Variants in MTFMT observed in about 807,000 individuals in gnomAD.
MTFMT encodes mitochondrial methionyl-tRNA formyltransferase.
MTFMT carries 47 observed loss-of-function variants against 51.8 expected under a neutral mutation model. That is an observed-to-expected ratio of 0.91 (90% confidence interval 0.72 to 1.16). The LOEUF (loss-of-function observed/expected upper bound fraction) is 1.16, where lower values mean the gene tolerates loss of function less well. MTFMT is among the 50% of genes most tolerant of loss of function. The probability of loss-of-function intolerance (pLI) is 0.00; values close to 1 mark genes in which losing one functional copy is unlikely to be tolerated. For synonymous variants in MTFMT, 196 were observed against 176.7 expected, an observed-to-expected ratio of 1.11 and a Z score of -0.87; for missense variants, 512 against 482.3, an observed-to-expected ratio of 1.06 and a Z score of -0.58.
intron 8 of MTFMT, 29 bp from the exon 9 acceptor site, chr15:65,003,285 G>C (rs1333371776): frequency 1.3e-6 from 2 of 1,555,422 alleles, no homozygotes; most frequent in African/African-American, 1.4e-5. Flanking sequence ...ATAGTGAATA[G>C]GCAGGGGTGG....
intron 6 of MTFMT, 70 bp downstream of exon 6, chr15:65,016,366 A>G: frequency 1.2e-6 from 1 of 857,096 alleles, no homozygotes; most frequent in South Asian, 1.8e-5. Context: ...CTAAATAAAA[A>G]TATTTAGAAA....
chr15:65,013,340 T>G (rs1014132901), intron 6 of MTFMT, among the ~76,000 whole-genome samples: 2 of 151,510 alleles, frequency 1.3e-5, no homozygotes, highest in South Asian at 2.1e-4. Context: ...GGTCTCGAAC[T>G]CCTGGCCTCA....
chr15:65,021,633 A>T lies in MTFMT; in HGVS notation c.543-17T>A. On this transcript the variant is annotated splice_polypyrimidine_tract_variant and intron_variant, in intron 3 of 8. Transcript: ENST00000220058. Reference sequence around the variant, plus strand: ...ACATCAAACCTAGCAAAAAATCAAAAGCAAATAATGACAATGATTACCATT... The same window carrying T: ...ACATCAAACCTAGCAAAAAATCAAATGCAAATAATGACAATGATTACCATT... 1 of 1,530,604 alleles carries T rather than the reference A, an allele frequency of 6.5e-7. No homozygotes were observed. The highest frequency in any genetic ancestry group is 9.0e-7 in the Non-Finnish European group (1 of 1,114,286). The allele number at this position is 1,530,604 out of a possible 1,614,324, so 94.8% of individuals were successfully genotyped here.
chr15:65,023,133 T>G (rs181767792), intron 3 of MTFMT, among the ~76,000 whole-genome samples: 2 of 152,310 alleles, frequency 1.3e-5, no homozygotes, highest in Non-Finnish European at 2.9e-5. Context: ...AATTAGGTGG[T>G]AACAGGCAGA....
intron 6 of MTFMT, among the ~76,000 whole-genome samples, chr15:65,012,160 G>A (rs897489286): frequency 7.3e-6 from 1 of 136,474 alleles, no homozygotes; most frequent in African/African-American, 2.7e-5. Flanking sequence ...AAAAAAAAAA[G>A]GTGGGTGGGA....
At position 65,029,562 on chromosome 15, in the gene MTFMT, T is replaced by G; in HGVS notation, c.52A>C (p.Arg18=). ...CWGPPLAHGA[R]RGRPSPQWRA... ...CACTGGGGACTCGGCCTCCCACGCC[T>G]GGCGCCATGAGCCAGCGGAGGACCC... is the stretch of plus-strand genomic sequence containing the variant. Residue 18 remains arginine, a synonymous_variant, in exon 1 of 9, where the codon AGG becomes CGG. Transcript: ENST00000220058. The G allele has an allele frequency of 1.3e-6, 2 of 1,499,750 alleles. No homozygotes were observed. The highest frequency in any genetic ancestry group is 1.8e-6 in the Non-Finnish European group (2 of 1,124,590). The allele number at this position is 1,499,750 out of a possible 1,614,324, so 92.9% of individuals were successfully genotyped here. A position where few individuals can be genotyped will look rare whatever the true frequency, so the allele number is the denominator to read the frequency against.
In MTFMT at chr15:65,017,069, A is replaced by T. The variant is rs374579116; in HGVS notation, c.722-542T>A. 5.6e-3 allele frequency among the ~76,000 whole-genome samples: 844 copies of T among 151,274 alleles called. 47 individuals are homozygous for T. In the South Asian group the frequency reaches 0.12, roughly 22 times the overall value. ...AGTGCTAGGATTAGATGCATGAGCT[A>T]CCATGCCTAGGCAAAATAAATTAAA... On this transcript the variant is annotated intron_variant, in intron 5 of 8. Transcript: ENST00000220058.
chr15:65,021,482 G>A, intron 4 of MTFMT, 32 bp downstream of exon 4: 2 of 1,503,134 alleles, frequency 1.3e-6, no homozygotes, highest in Non-Finnish European at 9.3e-7. Flanking sequence ...CACTAAATGA[G>A]TAAAAAGCAG....
At chr15:65,011,212 C>T (rs2086261995) in intron 6 of MTFMT, among the ~76,000 whole-genome samples, 1 of 151,964 alleles carries the variant, frequency 6.6e-6, no homozygotes, top group Non-Finnish European at 1.5e-5. Flanking sequence ...ATCCCAGCTA[C>T]TAGGGAGGCT....
In MTFMT at chr15:65,016,507, T is replaced by G; in HGVS notation, c.742A>C (p.Thr248Pro). 1 of 1,611,954 alleles carries G rather than the reference T, an allele frequency of 6.2e-7. No homozygotes were observed. The highest frequency in any genetic ancestry group is 8.5e-7 in the Non-Finnish European group (1 of 1,178,412). ...ATYAPKISAG[T>P]SCIKWEEQTS... ...TGTTCCTCCCATTTTATACAACTGG[T>G]ACCAGCAGAAATCTTAGGGGCTACA... The change falls in exon 6 of 9, where the codon ACC becomes CCC. Residue 248 changes from threonine to proline, a missense_variant. Coordinates refer to ENST00000220058, the MANE Select transcript of MTFMT (RefSeq NM_139242.4).
chr15:65,026,719 AAAAAG>A, intron 2 of MTFMT, 107 bp downstream of exon 2: 2 of 898,652 alleles, frequency 2.2e-6, no homozygotes, highest in African/African-American at 1.7e-5. Flanking sequence ...GTAAAAATAA[AAAAAG>A]AAAATATTAC....
At chr15:65,023,586 C>T in intron 3 of MTFMT, 86 bp downstream of exon 3, 2 of 1,316,828 alleles carry the variant, frequency 1.5e-6, no homozygotes, top group Non-Finnish European at 1.1e-6. Context: ...TTAGTGAGCA[C>T]CACCCATTCA....
chr15:65,014,885 G>C (rs1329939276), intron 6 of MTFMT, among the ~76,000 whole-genome samples: 1 of 150,992 alleles, frequency 6.6e-6, no homozygotes. Context: ...ATCTGCCTCA[G>C]CCTCCCAAAG....
chr15:65,027,529 T>C (rs1288702119), intron 1 of MTFMT, among the ~76,000 whole-genome samples: 1 of 152,200 alleles, frequency 6.6e-6, no homozygotes, highest in South Asian at 2.1e-4. Context: ...ATTTTAATTA[T>C]TTAAAATGTA....
At chr15:65,022,705 A>AT (rs35591836) in intron 3 of MTFMT, among the ~76,000 whole-genome samples, 10,795 of 134,638 alleles carry the variant, frequency 0.08, 758 homozygotes, top group African/African-American at 0.18. Flanking sequence ...CATCATTCAG[A>AT]TTTTTTTTTT....
At chr15:65,016,660 C>T in intron 5 of MTFMT, 133 bp from the exon 6 acceptor site, 1 of 425,628 alleles carries the variant, frequency 2.3e-6, no homozygotes. Flanking sequence ...CAAAATTTTC[C>T]ATATATCAAG....
At chr15:65,023,926 T>G in intron 2 of MTFMT, 132 bp from the exon 3 acceptor site, 2 of 733,642 alleles carry the variant, frequency 2.7e-6, no homozygotes, top group East Asian at 3.0e-5. Context: ...TAAATCTAAG[T>G]CTCGTATCAC....
intron 4 of MTFMT, 53 bp downstream of exon 4, chr15:65,021,461 C>G (rs980943957): frequency 1.5e-6 from 2 of 1,334,656 alleles, no homozygotes. Context: ...TTTATAACCA[C>G]TTAGGAAACC....
At chr15:65,029,017 C>A (rs1362989785) in intron 1 of MTFMT, among the ~76,000 whole-genome samples, 2 of 152,268 alleles carry the variant, frequency 1.3e-5, no homozygotes, top group East Asian at 3.9e-4. Flanking sequence ...GTCCGAACCA[C>A]CTCGGCTGAT....
Sources: gnomAD v4.1 joint callset for allele counts (sites outside exome capture counted in the v4.1 genomes callset) on GRCh38, gnomAD v4.1.1 for gene constraint, MANE v1.5 for transcripts, NCBI Gene and HGNC (gene_info 2026-07-23, HGNC 2026-07-21) for gene names.